MPPED1: variants seen among roughly 807,000 people sequenced by gnomAD.
MPPED1 encodes the protein metallophosphoesterase domain-containing protein 1.
In MPPED1, 16 loss-of-function variants were observed where a neutral mutation model predicts 36.2. The observed-to-expected ratio is 0.44, with a 90% CI of 0.30 to 0.67. The LOEUF (loss-of-function observed/expected upper bound fraction) is 0.67. Ranked by LOEUF, MPPED1 falls within the 30% of genes least tolerant of loss-of-function variation. The probability of loss-of-function intolerance (pLI) is 0.10; values close to 1 mark genes in which losing one functional copy is unlikely to be tolerated. For missense variants in MPPED1, 307 were observed against 453.4 expected (o/e 0.68, Z 2.93); for synonymous variants, 199 against 191.3 (o/e 1.04, Z -0.33).
In MPPED1 at chr22:43,502,319, C is replaced by T. The variant is rs1410850744; in HGVS notation, c.749-325C>T. On this transcript the variant is annotated intron_variant, in intron 5 of 6. Transcript: ENST00000443721. This position sits in a 1 kb window ranked among gnomAD's most constrained non-coding sequence, Gnocchi z 5.5. ...CGGTGGGCGGATGCCACCCTTGAGG[C>T]CACTCGAGCACAGATGGTCTGGGGG... 6.6e-6 allele frequency among the ~76,000 whole-genome samples: 1 copy of T among 152,186 alleles called. No homozygotes were observed. The highest frequency in any genetic ancestry group is 2.4e-5 in the African/African-American group (1 of 41,438).
Position 43,425,040 on chromosome 22 carries a change from C to G in MPPED1, c.55C>G (p.Leu19Val), listed in dbSNP as rs746322681. Residue 19 changes from leucine (L) to valine (V), a missense_variant, in exon 2 of 7, where the codon CTC becomes GTC. Leu to Val is a conservative substitution (Grantham distance 32). Coordinates refer to ENST00000443721, the MANE Select transcript of MPPED1 (RefSeq NM_001044370.2). ...SVLKAEALAL[L>V]PCGLGMAFSQ... ...CCTGAAGGCGGAGGCCCTGGCCCTCCTCCCCTGCGGCCTGGGCATGGCATT... is the reference window on the plus strand; with the variant it reads ...CCTGAAGGCGGAGGCCCTGGCCCTCGTCCCCTGCGGCCTGGGCATGGCATT... 1 of 1,612,198 alleles carries G rather than the reference C, an allele frequency of 6.2e-7. No individual in the cohort carries two copies. The highest frequency in any genetic ancestry group is 1.1e-5 in the South Asian group (1 of 90,808).
At chr22:43,461,606 A>G (rs1930959417) in intron 3 of MPPED1, among the ~76,000 whole-genome samples, 1 of 152,136 alleles carries the variant, frequency 6.6e-6, no homozygotes, top group Non-Finnish European at 1.5e-5. Context: ...TCTTGCCCAG[A>G]GTGTTATGTT....
At chr22:43,485,886 G>A (rs1223793061) in intron 4 of MPPED1, among the ~76,000 whole-genome samples, 1 of 152,262 alleles carries the variant, frequency 6.6e-6, no homozygotes, top group Non-Finnish European at 1.5e-5. Context: ...GTGTGTGATT[G>A]ACGGGCTTTG....
chr22:43,467,762 A>G (rs951218926), intron 3 of MPPED1, among the ~76,000 whole-genome samples: 2 of 152,156 alleles, frequency 1.3e-5, no homozygotes, highest in Admixed American at 6.5e-5. Context: ...GGAAGAAGCC[A>G]TAAGTGGGCA....
At chr22:43,465,163 T>C (rs533820536) in intron 3 of MPPED1, among the ~76,000 whole-genome samples, 1 of 152,296 alleles carries the variant, frequency 6.6e-6, no homozygotes, top group East Asian at 1.9e-4. Flanking sequence ...GGTGAGATAG[T>C]AGAGAGCTGA....
Position 43,484,634 on chromosome 22 carries a change from C to T in MPPED1, c.632+9673C>T, listed in dbSNP as rs75799861. ...ACAGGGTGAGACACGCAAAGCCATG[C>T]GGCTGGGGTATTGTGGAGACCTGCA... On this transcript the variant is annotated intron_variant, in intron 4 of 6. Coordinates refer to ENST00000443721, the MANE Select transcript of MPPED1 (RefSeq NM_001044370.2). Among the ~76,000 whole-genome samples the T allele has an allele frequency of 3.7e-3, 570 of 152,320 alleles. 3 individuals are homozygous for T. Among genetic ancestry groups the T allele is most frequent in the African/African-American group, 0.013 (552 of 41,580 alleles).
chr22:43,471,938 A>G (rs1931391437), intron 3 of MPPED1, among the ~76,000 whole-genome samples: 1 of 151,620 alleles, frequency 6.6e-6, no homozygotes, highest in Non-Finnish European at 1.5e-5. Flanking sequence ...CAGCAGCCTG[A>G]CTGGAAGAAC....
chr22:43,497,946 T>TATATATAC (rs1219426341), intron 4 of MPPED1, among the ~76,000 whole-genome samples: 1 of 95,110 alleles, frequency 1.1e-5, no homozygotes, highest in African/African-American at 7.2e-5. Context: ...TATATATATA[T>TATATATAC]ATGTATTTAG....
rs563985983 is a variant in MPPED1, at chr22:43,431,791, A to G, written c.225-3243A>G. 4.6e-5 allele frequency among the ~76,000 whole-genome samples: 7 copies of G among 152,338 alleles called. No individual in the cohort carries two copies. The South Asian group carries it at 1.5e-3, about 32-fold the overall frequency. On this transcript the variant is annotated intron_variant, in intron 2 of 6. Coordinates refer to ENST00000443721, the MANE Select transcript of MPPED1 (RefSeq NM_001044370.2). ...GATCATTGAAATCATTACTGTTGTT[A>G]TTATTTCAAAGTTGAGCATTTGTTG...
rs182503926 is a variant in MPPED1, at chr22:43,431,616, A to T, written c.225-3418A>T. ...AGCTGCACCAACTCCTGTAGCTAAG[A>T]TCATGGACAAGTCAGCCTTTTCTGA... On this transcript the variant is annotated intron_variant, in intron 2 of 6. Transcript: ENST00000443721. 9.2e-5 allele frequency among the ~76,000 whole-genome samples: 14 copies of T among 152,278 alleles called. No individual in the cohort carries two copies. The East Asian group carries it at 2.7e-3, about 29-fold the overall frequency.
At chr22:43,422,066 G>C (rs1026420666) in intron 1 of MPPED1, among the ~76,000 whole-genome samples, 1 of 152,142 alleles carries the variant, frequency 6.6e-6, no homozygotes, top group African/African-American at 2.4e-5. Context: ...GGGGACATCC[G>C]GGCTCTTCCT....
chr22:43,428,017 G>A (rs1281364244), intron 2 of MPPED1, among the ~76,000 whole-genome samples: 13 of 152,148 alleles, frequency 8.5e-5, no homozygotes, highest in East Asian at 1.9e-4. Context: ...GGCAGCAAGC[G>A]TTCAGCATTG....
chr22:43,499,659 G>A (rs1302493271), intron 5 of MPPED1, among the ~76,000 whole-genome samples: 1 of 130,200 alleles, frequency 7.7e-6, no homozygotes, highest in Non-Finnish European at 1.6e-5. Flanking sequence ...GGTGATGGGG[G>A]TGGCGGTGAT....
intron 3 of MPPED1, among the ~76,000 whole-genome samples, chr22:43,439,627 G>A (rs1187926819): frequency 1.3e-5 from 2 of 152,252 alleles, no homozygotes; most frequent in Non-Finnish European, 2.9e-5. Context: ...TCTTGCCCCA[G>A]GGCTGTGGGG....
At chr22:43,426,962 G>A (rs1346302279) in intron 2 of MPPED1, among the ~76,000 whole-genome samples, 3 of 152,238 alleles carry the variant, frequency 2.0e-5, no homozygotes, top group Admixed American at 6.5e-5. Flanking sequence ...GGGGCTGCAG[G>A]GATGGGGGCC....
intron 3 of MPPED1, among the ~76,000 whole-genome samples, chr22:43,467,687 A>G (rs1478902101): frequency 1.3e-5 from 2 of 152,212 alleles, no homozygotes; most frequent in South Asian, 4.1e-4. Flanking sequence ...AAATGCAATC[A>G]GAGATCGTTA....
intron 5 of MPPED1, among the ~76,000 whole-genome samples, chr22:43,500,367 ATGGGG>A: frequency 1.7e-5 from 1 of 57,812 alleles, no homozygotes; most frequent in South Asian, 6.3e-4. Context: ...GGAGGTGGTG[ATGGGG>A]GTGGTGGTGG....
intron 4 of MPPED1, among the ~76,000 whole-genome samples, chr22:43,493,170 A>G (rs914235388): frequency 3.3e-5 from 5 of 152,154 alleles, no homozygotes; most frequent in Non-Finnish European, 7.4e-5. Context: ...AGAGAACATC[A>G]GATCTGGGTT....
At chr22:43,496,609 A>G (rs1423402770) in intron 4 of MPPED1, among the ~76,000 whole-genome samples, 282 of 2,424 alleles carry the variant, frequency 0.12, no homozygotes, top group Admixed American at 0.13. Context: ...TGGTGGAGGT[A>G]GTGGTGGTGG....
Sources: allele counts gnomAD v4.1 joint callset (sites outside exome capture counted in the v4.1 genomes callset), GRCh38; gene constraint gnomAD v4.1.1; non-coding constraint Gnocchi (gnomAD v3.1); transcripts MANE v1.5; gene names NCBI Gene and HGNC (gene_info 2026-07-23, HGNC 2026-07-21).